The following RNF146 variants were observed in gnomAD, a reference collection of about 807,000 sequenced individuals.
RNF146 encodes ring finger protein 146.
A neutral mutation model predicts 29.7 loss-of-function variants in RNF146; 11 were observed. The observed-to-expected ratio is 0.37, with a 90% confidence interval of 0.23 to 0.61. The LOEUF is 0.61. Ranked by LOEUF, RNF146 falls within the 20% of genes least tolerant of loss-of-function variation. The probability of loss-of-function intolerance (pLI) is 0.66; values close to 1 mark genes in which losing one functional copy is unlikely to be tolerated. For missense variants in RNF146, 342 were observed against 438.9 expected, an observed-to-expected ratio of 0.78 and a Z score of 1.97; for synonymous variants, 150 against 159.7, an observed-to-expected ratio of 0.94 and a Z score of 0.46.
At position 127,287,004 on chromosome 6, in the gene RNF146, A is replaced by C; in HGVS notation, c.391A>C (p.Lys131Gln). 6.2e-7 allele frequency: 1 copy of C among 1,613,374 alleles called. No homozygotes were observed. Among genetic ancestry groups the C allele is most frequent in the Non-Finnish European group, 8.5e-7 (1 of 1,179,616 alleles). ...TAGAGAGCTGGAAGATGCTTTTTCCAAAGGTAAAAAGAACACTGAAATGTT... is the reference window on the plus strand; with the variant it reads ...TAGAGAGCTGGAAGATGCTTTTTCCCAAGGTAAAAAGAACACTGAAATGTT... Reference protein sequence around the residue: ...TSRELEDAFSKGKKNTEMLIA... With the variant: ...TSRELEDAFSQGKKNTEMLIA... The change falls in exon 3 of 3, where the codon AAA becomes CAA. Residue 131 changes from lysine (K) to glutamine (Q), a missense_variant. Coordinates refer to ENST00000368314, the MANE Select transcript of RNF146 (RefSeq NM_001242850.2).
intron 1 of RNF146, among the ~76,000 whole-genome samples, chr6:127,274,246 T>C (rs1481136082): frequency 6.6e-6 from 1 of 152,160 alleles, no homozygotes; most frequent in Non-Finnish European, 1.5e-5. Flanking sequence ...TATAGCTTTA[T>C]TTCAGCTATG....
chr6:127,268,573 T>A (rs1407439307), intron 1 of RNF146, among the ~76,000 whole-genome samples: 1 of 152,174 alleles, frequency 6.6e-6, no homozygotes, highest in Admixed American at 6.5e-5. Flanking sequence ...TATCTTAAAG[T>A]GGAGGATGTT....
At chr6:127,274,563 A>G (rs1331189893) in intron 1 of RNF146, among the ~76,000 whole-genome samples, 1 of 152,196 alleles carries the variant, frequency 6.6e-6, no homozygotes, top group East Asian at 1.9e-4. Flanking sequence ...ACACATCTCA[A>G]TTATTAAAGT....
intron 1 of RNF146, among the ~76,000 whole-genome samples, chr6:127,267,419 C>T (rs759749391): frequency 1.3e-5 from 2 of 152,220 alleles, no homozygotes; most frequent in African/African-American, 4.8e-5. Context: ...CGGGGACCTT[C>T]TGGCCTCGAG....
chr6:127,271,610 T>G (rs975986722), intron 1 of RNF146, among the ~76,000 whole-genome samples: 1 of 152,180 alleles, frequency 6.6e-6, no homozygotes, highest in Admixed American at 6.5e-5. Flanking sequence ...CATGGAGTTA[T>G]TGAGCACTTG....
At position 127,286,624 on chromosome 6, in the gene RNF146, G is replaced by A. The variant is rs375127191; in HGVS notation, c.11G>A (p.Gly4Asp). The change falls in exon 3 of 3, where the codon GGC becomes GAC. Residue 4 changes from glycine to aspartate, a missense_variant. By Grantham distance (94) the Gly-to-Asp change is moderately conservative. Transcript: ENST00000368314. This position sits in a 1 kb window ranked among gnomAD's most constrained non-coding sequence, Gnocchi z 4.6. ...TATGTATTTTTTCTTAGGATGGCTG[G>A]CTGTGGTGAAATTGATCATTCAATA... Reference protein sequence around the residue: MMAGCGEIDHSINM... With the variant: MMADCGEIDHSINM... The A allele has an allele frequency of 6.2e-7, 1 of 1,605,938 alleles. No homozygotes were observed. The highest frequency in any genetic ancestry group is 8.5e-7 in the Non-Finnish European group (1 of 1,176,136).
intron 1 of RNF146, among the ~76,000 whole-genome samples, chr6:127,270,879 G>C (rs1777379139): frequency 1.3e-5 from 2 of 150,810 alleles, no homozygotes; most frequent in South Asian, 4.2e-4. Context: ...GCAGTGGTGC[G>C]ATCTTGGCTC....
rs1449478682 is a variant in RNF146, at chr6:127,288,548, T to C, written c.*855T>C. 6.0e-6 allele frequency: 1 copy of C among 166,878 alleles called. No homozygotes were observed. The highest frequency in any genetic ancestry group is 1.9e-4 in the East Asian group (1 of 5,190). The allele number at this position is 166,878 out of a possible 1,614,324, so 10.3% of individuals were successfully genotyped here. A position where few individuals can be genotyped will look rare whatever the true frequency, so the allele number is the denominator to read the frequency against. On this transcript the variant is annotated 3_prime_UTR_variant, in exon 3 of 3. Coordinates refer to ENST00000368314, the MANE Select transcript of RNF146 (RefSeq NM_001242850.2). ...ATAGGCAGTGTGTATATAATAAACA[T>C]GTATGGAAATAAAACTAAAGCCTGT...
At chr6:127,281,984 A>T (rs1372296129) in intron 2 of RNF146, among the ~76,000 whole-genome samples, 2 of 151,636 alleles carry the variant, frequency 1.3e-5, no homozygotes, top group Admixed American at 1.3e-4. Context: ...ATAAACTAGG[A>T]GGGAGAAGTT....
intron 1 of RNF146, among the ~76,000 whole-genome samples, chr6:127,279,257 T>C (rs189090829): frequency 9.1e-4 from 138 of 152,050 alleles, no homozygotes; most frequent in African/African-American, 3.2e-3. Flanking sequence ...TTTTATTTCT[T>C]ATATTTAGGT....
At chr6:127,270,604 T>C (rs895827850) in intron 1 of RNF146, among the ~76,000 whole-genome samples, 1 of 152,198 alleles carries the variant, frequency 6.6e-6, no homozygotes, top group African/African-American at 2.4e-5. Context: ...AAGTATTACA[T>C]GTATGCCCTA....
At position 127,287,633 on chromosome 6, in the gene RNF146, A is replaced by G. The variant is rs1161095750; in HGVS notation, c.1020A>G (p.Thr340=). 2 of 1,610,520 alleles carry G rather than the reference A, an allele frequency of 1.2e-6. No individual in the cohort carries two copies. Among genetic ancestry groups the G allele is most frequent in the Admixed American group, 3.4e-5 (2 of 59,654 alleles). The part of the protein sequence containing the change: ...GTDRSVAGGG[T]VSVSVRSRRP... ...ATCGATCAGTAGCAGGGGGTGGAAC[A>G]GTGAGTGTCAGTGTCAGATCTAGAA... The change falls in exon 3 of 3, where the codon ACA becomes ACG. Residue 340 remains threonine (T), a synonymous_variant. Transcript: ENST00000368314.
chr6:127,276,560 AG>A (rs1310550189), intron 1 of RNF146, among the ~76,000 whole-genome samples: 4 of 152,028 alleles, frequency 2.6e-5, no homozygotes, highest in Non-Finnish European at 5.9e-5. Context: ...GAAGTAAAAA[AG>A]ATTGGGTTCC....
chr6:127,268,004 C>T (rs1298984561), intron 1 of RNF146, among the ~76,000 whole-genome samples: 2 of 152,190 alleles, frequency 1.3e-5, no homozygotes, highest in African/African-American at 4.8e-5. Flanking sequence ...AATCTTTTCT[C>T]GTTAATCATA....
At position 127,287,366 on chromosome 6, in the gene RNF146, A is replaced by G; in HGVS notation, c.753A>G (p.Gln251=). Residue 251 remains glutamine, a synonymous_variant, in exon 3 of 3, where the codon CAA becomes CAG. Transcript: ENST00000368314. ...TSLEDSFAHL[Q]LSGDNTAERS... is the part of the protein sequence containing the mutation. ...TGGAAGACTCTTTTGCTCATTTACAACTCAGTGGAGACAACACAGCTGAAA... is the reference window on the plus strand; with the variant it reads ...TGGAAGACTCTTTTGCTCATTTACAGCTCAGTGGAGACAACACAGCTGAAA... The G allele has an allele frequency of 6.2e-7, 1 of 1,613,438 alleles. No individual in the cohort carries two copies. The highest frequency in any genetic ancestry group is 8.5e-7 in the Non-Finnish European group (1 of 1,179,646).
At chr6:127,280,451 C>A in intron 2 of RNF146, 111 bp downstream of exon 2, 3 of 1,366,952 alleles carry the variant, frequency 2.2e-6, no homozygotes, top group Admixed American at 2.5e-5. Flanking sequence ...ATTAAATGAG[C>A]ATTTTCTTTT....
intron 1 of RNF146, among the ~76,000 whole-genome samples, chr6:127,271,355 TGA>T (rs757941840): frequency 4.6e-5 from 7 of 152,316 alleles, no homozygotes; most frequent in Admixed American, 3.9e-4. Context: ...GTATAAATTC[TGA>T]GAGTTAATAG....
intron 1 of RNF146, among the ~76,000 whole-genome samples, chr6:127,267,246 A>T (rs1479890393): frequency 6.6e-6 from 1 of 151,690 alleles, no homozygotes; most frequent in Non-Finnish European, 1.5e-5. Flanking sequence ...AGGGCGCCGC[A>T]GCCCCTGCCC....
intron 2 of RNF146, among the ~76,000 whole-genome samples, chr6:127,283,148 A>T (rs1741090991): frequency 6.6e-6 from 1 of 151,792 alleles, no homozygotes. Flanking sequence ...GACTCTTATT[A>T]GTCTGGCAGA....
Sources: allele counts gnomAD v4.1 joint callset (sites outside exome capture counted in the v4.1 genomes callset), GRCh38; gene constraint gnomAD v4.1.1; non-coding constraint Gnocchi (gnomAD v3.1); transcripts MANE v1.5; gene names NCBI Gene and HGNC (gene_info 2026-07-23, HGNC 2026-07-21).